Variants in ARL15 observed in about 807,000 individuals in gnomAD.
ARL15 encodes the protein ADP-ribosylation factor-like protein 15.
ARL15 carries 19 observed loss-of-function variants against 25.2 expected under a neutral mutation model. The ratio of observed to expected loss-of-function variants is 0.75; its 90% CI spans 0.53 to 1.10. ARL15 has a LOEUF of 1.10. Ranked by LOEUF, ARL15 falls within the 50% of genes least tolerant of loss-of-function variation. The pLI is 0.00. For synonymous variants in ARL15, 94 were observed against 86.8 expected, an observed-to-expected ratio of 1.08 and a Z score of -0.46; for missense variants, 220 against 246.0, an observed-to-expected ratio of 0.89 and a Z score of 0.71.
chr5:54,014,977 C>T (rs1296974976), intron 4 of ARL15, among the ~76,000 whole-genome samples: 2 of 152,004 alleles, frequency 1.3e-5, no homozygotes, highest in African/African-American at 4.8e-5. Flanking sequence ...CCCTTTGCCC[C>T]TATATAAGTG....
chr5:53,894,819 T>C (rs1233978131), intron 4 of ARL15, among the ~76,000 whole-genome samples: 1 of 152,188 alleles, frequency 6.6e-6, no homozygotes, highest in African/African-American at 2.4e-5. Flanking sequence ...ACCAAGCTGA[T>C]GTCCTCCTAT....
At chr5:53,991,539 T>A (rs1748493381) in intron 4 of ARL15, among the ~76,000 whole-genome samples, 1 of 49,870 alleles carries the variant, frequency 2.0e-5, no homozygotes, top group Admixed American at 3.9e-4. Context: ...CGAAACTCCA[T>A]CTCAAAAAAA....
chr5:53,946,140 G>A (rs747657872), intron 4 of ARL15, among the ~76,000 whole-genome samples: 1 of 152,178 alleles, frequency 6.6e-6, no homozygotes, highest in Non-Finnish European at 1.5e-5. Flanking sequence ...GAAGTGCCTA[G>A]CACAGAACTT....
At chr5:54,199,898 T>C (rs886383850) in intron 1 of ARL15, among the ~76,000 whole-genome samples, 1 of 106,778 alleles carries the variant, frequency 9.4e-6, no homozygotes, top group African/African-American at 3.8e-5. Flanking sequence ...CCAACCCAAA[T>C]GTCCAACAAT....
intron 3 of ARL15, among the ~76,000 whole-genome samples, chr5:54,129,085 A>T (rs1261053176): frequency 6.6e-6 from 1 of 152,208 alleles, no homozygotes; most frequent in Non-Finnish European, 1.5e-5. Context: ...TACCATCATT[A>T]GCACTGCATT....
intron 4 of ARL15, among the ~76,000 whole-genome samples, chr5:53,902,514 C>T (rs577982060): frequency 3.3e-5 from 5 of 152,164 alleles, no homozygotes; most frequent in East Asian, 1.9e-4. Context: ...TTGCAGCTGT[C>T]GGGTATGAAA....
At chr5:54,296,080 G>A (rs1311150966) in intron 1 of ARL15, among the ~76,000 whole-genome samples, 3 of 152,174 alleles carry the variant, frequency 2.0e-5, no homozygotes, top group East Asian at 3.9e-4. Flanking sequence ...CCTCTTCCCT[G>A]CCAGGACCTT....
chr5:54,055,770 A>G (rs894528199), intron 4 of ARL15, among the ~76,000 whole-genome samples: 2 of 151,816 alleles, frequency 1.3e-5, no homozygotes, highest in African/African-American at 4.8e-5. Context: ...GTTCCTATTT[A>G]CCCTTCAATG....
rs192858605 is a variant in ARL15 at position 54,276,310 on chromosome 5, A to G, written c.48+34122T>C. ...TGTTGGAATCTCCAAGGGGCATAAT[A>G]AACAGGTACAGTTAATACCACTCTT... On this transcript the variant is annotated intron_variant, in intron 1 of 4. Transcript: ENST00000504924. Among the ~76,000 whole-genome samples the G allele has an allele frequency of 5.3e-5, 8 of 152,334 alleles. No individual in the cohort carries two copies. In the East Asian group the frequency reaches 1.5e-3, roughly 29 times the overall value.
rs115517095 is a variant in ARL15 at position 54,122,648 on chromosome 5, C to A, written c.254-9238G>T. Reference sequence around the variant, plus strand: ...AGAGCTCAGGCAGCATGGGTTAAGGCAGGGGGTGCCATTTGTAGGCAAGTA... The same window carrying A: ...AGAGCTCAGGCAGCATGGGTTAAGGAAGGGGGTGCCATTTGTAGGCAAGTA... On this transcript the variant is annotated intron_variant, in intron 3 of 4. Coordinates refer to ENST00000504924, the MANE Select transcript of ARL15 (RefSeq NM_019087.3). Among the ~76,000 whole-genome samples, 439 of 152,272 alleles carry A rather than the reference C, an allele frequency of 2.9e-3. 2 individuals carry two copies. Among genetic ancestry groups the A allele is most frequent in the African/African-American group, 0.01 (417 of 41,548 alleles).
At chr5:54,262,160 C>G (rs1309375712) in intron 1 of ARL15, among the ~76,000 whole-genome samples, 5 of 152,126 alleles carry the variant, frequency 3.3e-5, no homozygotes, top group Non-Finnish European at 7.4e-5. Flanking sequence ...CTCCCACACA[C>G]AATCCTAGAT....
At chr5:54,240,043 C>A (rs1002844875) in intron 1 of ARL15, among the ~76,000 whole-genome samples, 1 of 151,840 alleles carries the variant, frequency 6.6e-6, no homozygotes, top group African/African-American at 2.4e-5. Flanking sequence ...CTGGCTAACA[C>A]GGTGAAACCC....
At chr5:54,066,490 G>A (rs1479172947) in intron 4 of ARL15, among the ~76,000 whole-genome samples, 1 of 152,110 alleles carries the variant, frequency 6.6e-6, no homozygotes, top group African/African-American at 2.4e-5. Flanking sequence ...CTCTGTAAAA[G>A]GATCTATATA....
chr5:54,169,101 T>C (rs1012491473), intron 2 of ARL15, among the ~76,000 whole-genome samples: 1 of 152,118 alleles, frequency 6.6e-6, no homozygotes, highest in Admixed American at 6.6e-5. Flanking sequence ...ACAATTCTGG[T>C]AAAACGTATT....
chr5:53,974,639 T>C (rs895423750), intron 4 of ARL15, among the ~76,000 whole-genome samples: 2 of 152,206 alleles, frequency 1.3e-5, no homozygotes, highest in African/African-American at 2.4e-5. Flanking sequence ...TTGACAAATA[T>C]TTAATAAACA....
At chr5:54,252,311 TG>T (rs1327711722) in intron 1 of ARL15, among the ~76,000 whole-genome samples, 1 of 152,230 alleles carries the variant, frequency 6.6e-6, no homozygotes, top group Admixed American at 6.5e-5. Flanking sequence ...TAAGTCACCT[TG>T]TGCAATCCAG....
intron 1 of ARL15, among the ~76,000 whole-genome samples, chr5:54,224,113 ACT>A (rs1756452791): frequency 6.6e-6 from 1 of 152,142 alleles, no homozygotes; most frequent in African/African-American, 2.4e-5. Context: ...GAAAGTTAAG[ACT>A]CAGCAGAGTG....
chr5:54,297,921 T>A (rs1361613670), intron 1 of ARL15, among the ~76,000 whole-genome samples: 1 of 152,192 alleles, frequency 6.6e-6, no homozygotes, highest in Non-Finnish European at 1.5e-5. Context: ...CAGCTGGGAC[T>A]ACAGGTGCAC....
At chr5:53,913,508 C>A (rs146467341) in intron 4 of ARL15, among the ~76,000 whole-genome samples, 1 of 152,146 alleles carries the variant, frequency 6.6e-6, no homozygotes, top group Admixed American at 6.5e-5. Context: ...CCGAAACTAC[C>A]GTTGTTCAAA....
Sources: allele counts gnomAD v4.1 joint callset (sites outside exome capture counted in the v4.1 genomes callset), GRCh38; gene constraint gnomAD v4.1.1; transcripts MANE v1.5; gene names NCBI Gene and HGNC (gene_info 2026-07-23, HGNC 2026-07-21).